The following EVI5L variants were observed in gnomAD, a reference collection of about 807,000 sequenced individuals.
EVI5L encodes ecotropic viral integration site 5 like.
A neutral mutation model predicts 106.1 loss-of-function variants in EVI5L; 30 were observed. The ratio of observed to expected loss-of-function variants is 0.28; its 90% confidence interval spans 0.21 to 0.38. The LOEUF is 0.38. Among genes scored for constraint, EVI5L ranks in the 10% least tolerant of loss-of-function variants. EVI5L has a pLI of 1.00. For missense variants in EVI5L, 809 were observed against 1,098.0 expected, an observed-to-expected ratio of 0.74 and a Z score of 3.72; for synonymous variants, 489 against 483.3, an observed-to-expected ratio of 1.01 and a Z score of -0.15.
At chr19:7,832,756 T>C (rs1432773043) in intron 1 of EVI5L, among the ~76,000 whole-genome samples, 2 of 152,124 alleles carry the variant, frequency 1.3e-5, no homozygotes, top group African/African-American at 4.8e-5. Context: ...AGATGAGAGA[T>C]GGTCTGCTGC....
intron 14 of EVI5L, among the ~76,000 whole-genome samples, 196 bp downstream of exon 14, chr19:7,860,885 G>A (rs761449022): frequency 2.0e-5 from 3 of 152,132 alleles, no homozygotes; most frequent in Non-Finnish European, 4.4e-5. Flanking sequence ...CAGCAGCGTG[G>A]CAGCTTCTAT....
At chr19:7,843,645 A>C (rs1381682089) in intron 1 of EVI5L, among the ~76,000 whole-genome samples, 1 of 125,044 alleles carries the variant, frequency 8.0e-6, no homozygotes, top group Non-Finnish European at 1.7e-5. Flanking sequence ...GTGTGTGTCG[A>C]GTGTGTGCAT....
chr19:7,847,636 C>T (rs1402626170), intron 2 of EVI5L, 96 bp from the exon 3 acceptor site: 3 of 1,324,188 alleles, frequency 2.3e-6, no homozygotes, highest in Non-Finnish European at 3.1e-6. Flanking sequence ...CTGGTGTCCT[C>T]TAAGACCCCC....
chr19:7,857,195 A>C lies in EVI5L; in HGVS notation c.1233+71A>C, dbSNP rs1037991827. 6.5e-7 allele frequency: 1 copy of C among 1,533,390 alleles called. No individual in the cohort carries two copies. Among genetic ancestry groups the C allele is most frequent in the Non-Finnish European group, 8.8e-7 (1 of 1,132,224 alleles). 95.0% of individuals were successfully genotyped at this position (1,533,390 alleles called of 1,614,324 possible). A position where few individuals can be genotyped will look rare whatever the true frequency, so the allele number is the denominator to read the frequency against. ...TCCCTGCACCCTGCACATGACAGCCAGTAACCGCCTCTTCCCTGCCATTCT... is the reference window on the plus strand; with the variant it reads ...TCCCTGCACCCTGCACATGACAGCCCGTAACCGCCTCTTCCCTGCCATTCT... On this transcript the variant is annotated intron_variant, in intron 12 of 19. Coordinates refer to ENST00000538904, the MANE Select transcript of EVI5L (RefSeq NM_001159944.3). The surrounding 1 kb of genome is among the most constrained non-coding windows in gnomAD (Gnocchi z 4.5).
intron 8 of EVI5L, among the ~76,000 whole-genome samples, chr19:7,852,111 ATCCCCACCC>A (rs1412241880): frequency 6.6e-6 from 1 of 152,116 alleles, no homozygotes; most frequent in Non-Finnish European, 1.5e-5. Context: ...CCATGAGGGC[ATCCCCACCC>A]TGCCGCCCAG....
rs778590587 is a variant in EVI5L at position 7,851,465 on chromosome 19, G to T, written c.785G>T (p.Arg262Leu). The change falls in exon 7 of 20, where the codon CGT (arginine) becomes CTT (leucine). Residue 262 changes from arginine (R) to leucine (L), a missense_variant. By Grantham distance (102) the Arg-to-Leu change is moderately radical (BLOSUM62 -2). Coordinates refer to ENST00000538904, the MANE Select transcript of EVI5L (RefSeq NM_001159944.3). ...EQLPDLNTHF[R>L]SQSFHTSMYA... ...CTCCCAGACCTCAACACCCACTTCC[G>T]TTCCCAAAGCTTCCACACATCCATG... 8 of 1,612,744 alleles carry T rather than the reference G, an allele frequency of 5.0e-6. No individual in the cohort carries two copies. Among genetic ancestry groups the T allele is most frequent in the Non-Finnish European group, 1.7e-6 (2 of 1,179,496 alleles).
intron 1 of EVI5L, 42 bp from the exon 2 acceptor site, chr19:7,846,454 G>A (rs1006088158): frequency 2.0e-6 from 3 of 1,486,878 alleles, no homozygotes; most frequent in Admixed American, 2.2e-5. Context: ...GGATGGAGTG[G>A]GCTCCCACCC....
intron 10 of EVI5L, 43 bp from the exon 11 acceptor site, chr19:7,855,972 C>A (rs759538596): frequency 2.3e-6 from 3 of 1,319,088 alleles, no homozygotes; most frequent in Non-Finnish European, 2.0e-6. Flanking sequence ...TGTAGACAGG[C>A]GTGGGGGGCG....
intron 1 of EVI5L, among the ~76,000 whole-genome samples, chr19:7,834,883 T>G (rs772057259): frequency 6.6e-6 from 1 of 152,092 alleles, no homozygotes; most frequent in African/African-American, 2.4e-5. Flanking sequence ...CCCAGCACTT[T>G]GAGAGGCCGA....
In EVI5L at chr19:7,848,035, G is replaced by T; in HGVS notation, c.327+114G>T. 8.6e-7 allele frequency: 1 copy of T among 1,164,346 alleles called. No individual in the cohort carries two copies. Among genetic ancestry groups the T allele is most frequent in the Non-Finnish European group, 1.2e-6 (1 of 845,780 alleles). 72.1% of individuals were successfully genotyped at this position (1,164,346 alleles called of 1,614,324 possible). On this transcript the variant is annotated intron_variant, in intron 3 of 19. Transcript: ENST00000538904. The surrounding 1 kb of genome is among the most constrained non-coding windows in gnomAD (Gnocchi z 4.8). ...GGGCCCCAGCCTGGGCACAGCGGCA[G>T]CAGTGGAGATGTGCAGGCACTTTCA...
rs1041440725 is a variant in EVI5L, at chr19:7,848,683, C to T, written c.328-238C>T. ...ACTCAGGAAGCTGAGGCAGGAGGAT[C>T]GCTTGAGCCCAGGAGTTCAAGGCTG... On this transcript the variant is annotated intron_variant, in intron 3 of 19. Transcript: ENST00000538904. The surrounding 1 kb of genome is among the most constrained non-coding windows in gnomAD (Gnocchi z 4.8). Among the ~76,000 whole-genome samples the T allele has an allele frequency of 3.3e-5, 5 of 152,104 alleles. No homozygotes were observed. The highest frequency in any genetic ancestry group is 9.7e-5 in the African/African-American group (4 of 41,422).
At chr19:7,860,044 C>T (rs1217835455) in intron 13 of EVI5L, among the ~76,000 whole-genome samples, 1 of 152,238 alleles carries the variant, frequency 6.6e-6, no homozygotes, top group Non-Finnish European at 1.5e-5. Flanking sequence ...CCAGGGGCCC[C>T]CACTGGGGAA....
chr19:7,852,159 G>A (rs1230395774), intron 8 of EVI5L, among the ~76,000 whole-genome samples: 4 of 152,218 alleles, frequency 2.6e-5, no homozygotes, highest in Admixed American at 2.6e-4. Context: ...GGGAGTTTGG[G>A]GGTCTAGGCA....
At position 7,858,557 on chromosome 19, in the gene EVI5L, A is replaced by T. The variant is rs1979650489; in HGVS notation, c.1374+226A>T. ...TCTTGCCACCTCATAGTGTGTCTGC[A>T]GTATCTGACTTCCCAACCCCCAGCC... On this transcript the variant is annotated intron_variant, in intron 13 of 19. Transcript: ENST00000538904. This position sits in a 1 kb window ranked among gnomAD's most constrained non-coding sequence, Gnocchi z 5.7. 4.9e-6 allele frequency: 3 copies of T among 608,074 alleles called. No individual in the cohort carries two copies. Among genetic ancestry groups the T allele is most frequent in the Non-Finnish European group, 8.4e-6 (3 of 358,322 alleles). The allele number at this position is 608,074 out of a possible 1,614,324, so 37.7% of individuals were successfully genotyped here. A position where few individuals can be genotyped will look rare whatever the true frequency, so the allele number is the denominator to read the frequency against.
rs1346944767 is a variant in EVI5L, at chr19:7,830,401, G to T, written c.-48+20G>T. ...GCGCAGGTAGGGCGGCGCGGGCCGG[G>T]CCTCCCGGGCGCCTGCTCAGGCCGG... On this transcript the variant is annotated intron_variant, in intron 1 of 19. Coordinates refer to ENST00000538904, the MANE Select transcript of EVI5L (RefSeq NM_001159944.3). 1 of 151,416 alleles carries T rather than the reference G, an allele frequency of 6.6e-6. No individual in the cohort carries two copies. Among genetic ancestry groups the T allele is most frequent in the East Asian group, 1.9e-4 (1 of 5,178 alleles). The allele number at this position is 151,416 out of a possible 1,614,324, so 9.4% of individuals were successfully genotyped here. A position where few individuals can be genotyped will look rare whatever the true frequency, so the allele number is the denominator to read the frequency against.
Position 7,856,871 on chromosome 19 carries a change from G to A in EVI5L, c.1201-221G>A, listed in dbSNP as rs1192142317. The A allele has an allele frequency of 2.7e-5, 19 of 698,002 alleles. No homozygotes were observed. The highest frequency in any genetic ancestry group is 1.9e-4 in the East Asian group (7 of 37,050). 43.2% of individuals were successfully genotyped at this position (698,002 alleles called of 1,614,324 possible). ...AGCCGCGGGCACCCCCGACCTCCCC[G>A]CTCACACCGAACCCCTCTCCAGGAC... is the stretch of plus-strand genomic sequence containing the variant. On this transcript the variant is annotated intron_variant, in intron 11 of 19. Transcript: ENST00000538904. The surrounding 1 kb of genome is among the most constrained non-coding windows in gnomAD (Gnocchi z 6.6).
At chr19:7,860,720 G>T in intron 14 of EVI5L, 31 bp downstream of exon 14, 2 of 1,543,470 alleles carry the variant, frequency 1.3e-6, no homozygotes, top group South Asian at 2.4e-5. Flanking sequence ...GGCAGGTGTC[G>T]GGGGGACCCT....
At position 7,851,730 on chromosome 19, in the gene EVI5L, A is replaced by G. The variant is rs1173283230; in HGVS notation, c.947A>G (p.Gln316Arg). 1 of 1,539,980 alleles carries G rather than the reference A, an allele frequency of 6.5e-7. No individual in the cohort carries two copies. Among genetic ancestry groups the G allele is most frequent in the East Asian group, 2.4e-5 (1 of 41,690 alleles). The change falls in exon 8 of 20, where the codon CAG becomes CGG. Residue 316 changes from glutamine (Q) to arginine (R), a missense_variant. Physicochemically the swap from Gln to Arg is conservative, Grantham distance 43. Around this residue, in one of 2 missense-constraint regions of EVI5L, gnomAD observed 357 missense variants for 588.1 expected, o/e 0.61. Transcript: ENST00000538904. ...GGCCTCGCCCTGCTGCAGGTGAACC[A>G]GGCAGAGCTGATGCAGCTGGACATG... is the stretch of plus-strand genomic sequence containing the variant. ...RVGLALLQVN[Q>R]AELMQLDMEG...
intron 5 of EVI5L, among the ~76,000 whole-genome samples, chr19:7,849,793 G>A (rs1427371018): frequency 6.6e-6 from 1 of 152,154 alleles, no homozygotes; most frequent in African/African-American, 2.4e-5. Flanking sequence ...CTGCCGAGTG[G>A]CCCTTGGCAG....
Sources: gnomAD v4.1 joint callset for allele counts (sites outside exome capture counted in the v4.1 genomes callset) on GRCh38, gnomAD v4.1.1 for gene constraint, gnomAD v4.1.1 regional missense constraint, Gnocchi (gnomAD v3.1) non-coding constraint, MANE v1.5 for transcripts, NCBI Gene and HGNC (gene_info 2026-07-23, HGNC 2026-07-21) for gene names.